PRKG1: variants seen among roughly 807,000 people sequenced by gnomAD.
PRKG1 encodes cGMP-dependent protein kinase 1.
Under a neutral mutation model 88.1 loss-of-function variants are expected in PRKG1, and 35 were observed. The observed-to-expected ratio is 0.40, with a 90% CI of 0.30 to 0.53. The LOEUF is 0.53. Among genes scored for constraint, PRKG1 ranks in the 20% least tolerant of loss-of-function variants. PRKG1 has a pLI of 0.59. For missense variants in PRKG1, 540 were observed against 839.8 expected, an observed-to-expected ratio of 0.64 and a Z score of 4.41; for synonymous variants, 303 against 292.5, an observed-to-expected ratio of 1.04 and a Z score of -0.37.
At chr10:51,865,552 G>A (rs1318526681) in intron 4 of PRKG1, among the ~76,000 whole-genome samples, 1 of 151,924 alleles carries the variant, frequency 6.6e-6, no homozygotes. Flanking sequence ...TCCTGAATCT[G>A]CCTTATATTA....
intron 3 of PRKG1, among the ~76,000 whole-genome samples, chr10:51,598,937 AGT>A (rs1838528244): frequency 6.6e-6 from 1 of 152,170 alleles, no homozygotes. Flanking sequence ...GGCACCTGTG[AGT>A]GTGCTACTGA....
chr10:51,252,874 CATT>C lies in PRKG1; in HGVS notation c.478+99545_478+99547del, dbSNP rs578223301. Among the ~76,000 whole-genome samples, 966 of 151,858 alleles carry C rather than the reference CATT, an allele frequency of 6.4e-3. 7 individuals carry two copies. The highest frequency in any genetic ancestry group is 0.021 in the African/African-American group (889 of 41,468). On this transcript the variant is annotated intron_variant, in intron 2 of 17. Coordinates refer to ENST00000373980, the MANE Select transcript of PRKG1 (RefSeq NM_006258.4). ...AAAGTAAAAGCTTGAAACTGGCAAT[CATT>C]GTTGTTTGGATCAGAAGCAAGAAAA...
At chr10:51,973,721 G>A (rs548005511) in intron 5 of PRKG1, among the ~76,000 whole-genome samples, 66 of 152,066 alleles carry the variant, frequency 4.3e-4, no homozygotes, top group African/African-American at 1.5e-3. Flanking sequence ...TTCTTTGGTG[G>A]ACTTTTCCTT....
At chr10:51,666,199 T>G (rs1377138059) in intron 3 of PRKG1, among the ~76,000 whole-genome samples, 1 of 152,202 alleles carries the variant, frequency 6.6e-6, no homozygotes, top group African/African-American at 2.4e-5. Flanking sequence ...CTAGCTCCCC[T>G]TTATTCTGAC....
intron 2 of PRKG1, among the ~76,000 whole-genome samples, chr10:51,159,549 A>G (rs1243701073): frequency 6.6e-6 from 1 of 152,222 alleles, no homozygotes; most frequent in East Asian, 1.9e-4. Flanking sequence ...ATAAGAGGTT[A>G]TCACAAATAA....
At chr10:51,097,605 C>G (rs1466707279) in intron 1 of PRKG1, among the ~76,000 whole-genome samples, 1 of 152,068 alleles carries the variant, frequency 6.6e-6, no homozygotes, top group Non-Finnish European at 1.5e-5. Flanking sequence ...GCTGTTACTC[C>G]CATCTTCTTA....
intron 3 of PRKG1, among the ~76,000 whole-genome samples, chr10:51,511,470 T>G (rs1315708352): frequency 6.6e-6 from 1 of 152,108 alleles, no homozygotes; most frequent in Non-Finnish European, 1.5e-5. Flanking sequence ...ACAGAATATT[T>G]AATGAAGCCC....
rs527283901 is a variant in PRKG1, at chr10:51,425,572, C to T, written c.479-42151C>T. On this transcript the variant is annotated intron_variant, in intron 2 of 17. Transcript: ENST00000373980. The stretch of plus-strand genomic sequence containing the variant: ...GAGGAGTTGCTGCCTCCACCCCTTT[C>T]GGAAGCCACAGCAGGGAGGCCTGGC... Among the ~76,000 whole-genome samples, 4 of 152,258 alleles carry T rather than the reference C, an allele frequency of 2.6e-5. No individual in the cohort carries two copies. In the East Asian group the frequency reaches 7.7e-4, roughly 29 times the overall value.
chr10:51,126,194 TTA>T (rs1224852486), intron 1 of PRKG1, among the ~76,000 whole-genome samples: 5 of 122,194 alleles, frequency 4.1e-5, no homozygotes, highest in Admixed American at 8.8e-5. Context: ...ATATAATTAT[TTA>T]TATGTTATTT....
At chr10:51,709,152 G>A (rs1841681012) in intron 3 of PRKG1, among the ~76,000 whole-genome samples, 1 of 152,114 alleles carries the variant, frequency 6.6e-6, no homozygotes, top group South Asian at 2.1e-4. Context: ...TTTAAATGTG[G>A]ACTTCCAGTT....
At chr10:51,132,316 A>G (rs1845585644) in intron 1 of PRKG1, among the ~76,000 whole-genome samples, 1 of 152,170 alleles carries the variant, frequency 6.6e-6, no homozygotes, top group Non-Finnish European at 1.5e-5. Flanking sequence ...TCTCAGAGTC[A>G]CAGGCAGAAA....
At chr10:51,843,680 C>A (rs1299783347) in intron 4 of PRKG1, among the ~76,000 whole-genome samples, 1 of 152,136 alleles carries the variant, frequency 6.6e-6, no homozygotes, top group African/African-American at 2.4e-5. Context: ...CAGGGAATTC[C>A]AACTCTAATT....
At chr10:51,850,786 A>G (rs1439420293) in intron 4 of PRKG1, among the ~76,000 whole-genome samples, 1 of 152,098 alleles carries the variant, frequency 6.6e-6, no homozygotes, top group African/African-American at 2.4e-5. Context: ...GTGTTACACT[A>G]TTTCTCACCT....
intron 2 of PRKG1, among the ~76,000 whole-genome samples, chr10:51,217,748 C>A (rs1375558722): frequency 6.6e-6 from 1 of 152,066 alleles, no homozygotes; most frequent in African/African-American, 2.4e-5. Context: ...TCTCTCTTTA[C>A]CCCTTGTAAA....
intron 3 of PRKG1, among the ~76,000 whole-genome samples, chr10:51,501,075 G>C (rs1001283906): frequency 6.6e-6 from 1 of 152,096 alleles, no homozygotes; most frequent in African/African-American, 2.4e-5. Context: ...CCTGGTTCCT[G>C]TCTTTATGTG....
At chr10:52,026,298 A>C (rs1845335168) in intron 5 of PRKG1, among the ~76,000 whole-genome samples, 1 of 152,224 alleles carries the variant, frequency 6.6e-6, no homozygotes, top group African/African-American at 2.4e-5. Context: ...GTGTTGGACT[A>C]AACAAAACAA....
intron 1 of PRKG1, among the ~76,000 whole-genome samples, chr10:51,133,656 C>G (rs1475787204): frequency 2.0e-5 from 3 of 152,142 alleles, no homozygotes; most frequent in Non-Finnish European, 4.4e-5. Context: ...AAAACTGCAG[C>G]ACAGCTAATA....
chr10:52,289,162 T>G (rs1265166812), intron 16 of PRKG1, among the ~76,000 whole-genome samples, 169 bp downstream of exon 16: 4 of 152,126 alleles, frequency 2.6e-5, no homozygotes, highest in African/African-American at 9.7e-5. Flanking sequence ...TATGAAACCT[T>G]ATTTATATTT....
chr10:52,256,859 T>C (rs11001385), intron 10 of PRKG1, among the ~76,000 whole-genome samples: 12,584 of 139,012 alleles, frequency 0.091, 2,538 homozygotes, highest in African/African-American at 0.29. Context: ...TGATCTGTCA[T>C]GAGAGGAGAT....
Sources: gnomAD v4.1 joint callset for allele counts (sites outside exome capture counted in the v4.1 genomes callset) on GRCh38, gnomAD v4.1.1 for gene constraint, MANE v1.5 for transcripts, NCBI Gene and HGNC (gene_info 2026-07-23, HGNC 2026-07-21) for gene names.